FABP12: variants seen among roughly 807,000 people sequenced by gnomAD.
FABP12 encodes the protein fatty acid binding protein 12, also known as fatty acid-binding protein 12.
FABP12 carries 19 observed loss-of-function variants against 13.7 expected under a neutral mutation model. The observed-to-expected ratio is 1.39, with a 90% CI of 0.97 to 2.04. FABP12 has a LOEUF of 2.04. Among genes scored for constraint, FABP12 ranks in the 30% most tolerant of loss-of-function variants. The pLI is 0.00. For missense variants in FABP12, 182 were observed against 164.2 expected (o/e 1.11, Z -0.59); for synonymous variants, 61 against 57.0 (o/e 1.07, Z -0.32).
chr8:81,578,149 A>T (rs1045166337), intron 1 of FABP12, among the ~76,000 whole-genome samples: 1 of 152,222 alleles, frequency 6.6e-6, no homozygotes, highest in Non-Finnish European at 1.5e-5. Flanking sequence ...TAAATTTCCG[A>T]CATAAGAATA....
rs576519043 is a variant in FABP12 at position 81,554,813 on chromosome 8, A to T, written c.-184-15070T>A. On this transcript the variant is annotated intron_variant, in intron 1 of 5. Transcript: ENST00000692030. ...CGATAACTGATGAGCTTAAAAAAAA[A>T]ATCACAAACACACAAATCTCATAAG... Among the ~76,000 whole-genome samples the T allele has an allele frequency of 2.2e-4, 34 of 152,304 alleles. No individual in the cohort carries two copies. In the South Asian group the frequency reaches 3.3e-3, roughly 15 times the overall value.
chr8:81,551,339 T>C (rs1291463725), intron 1 of FABP12, among the ~76,000 whole-genome samples: 1 of 152,140 alleles, frequency 6.6e-6, no homozygotes, highest in African/African-American at 2.4e-5. Context: ...GTGACCTATA[T>C]TCTCTGGTCA....
intron 1 of FABP12, among the ~76,000 whole-genome samples, chr8:81,554,627 C>T (rs1369625591): frequency 6.6e-6 from 1 of 152,154 alleles, no homozygotes; most frequent in African/African-American, 2.4e-5. Context: ...AGTATAGCAT[C>T]TTTAGGCATT....
chr8:81,582,118 A>ATTTTTTTT (rs34960860), intron 1 of FABP12, among the ~76,000 whole-genome samples: 51 of 96,756 alleles, frequency 5.3e-4, no homozygotes, highest in East Asian at 1.0e-3. Context: ...GCTAACTGGA[A>ATTTTTTTT]TTTTTTTTTT....
chr8:81,585,141 G>A (rs1298279428), intron 1 of FABP12, among the ~76,000 whole-genome samples: 1 of 152,112 alleles, frequency 6.6e-6, no homozygotes, highest in African/African-American at 2.4e-5. Context: ...TAAGGTCACA[G>A]CCCAAAAATC....
chr8:81,578,977 C>T (rs1348444149), intron 1 of FABP12, among the ~76,000 whole-genome samples: 3 of 151,310 alleles, frequency 2.0e-5, no homozygotes, highest in Non-Finnish European at 4.4e-5. Flanking sequence ...TACAGGCGCC[C>T]GCCACCACAC....
At chr8:81,559,087 A>G (rs901353539) in intron 1 of FABP12, among the ~76,000 whole-genome samples, 3 of 152,096 alleles carry the variant, frequency 2.0e-5, no homozygotes, top group Non-Finnish European at 2.9e-5. Context: ...GTTAGCTACC[A>G]TATCTTGTTC....
intron 1 of FABP12, among the ~76,000 whole-genome samples, chr8:81,582,401 G>A (rs2556574): frequency 0.93 from 142,030 of 151,996 alleles, 66,496 homozygotes; most frequent in East Asian, 1. Context: ...GATTATAGGC[G>A]TGAGCCACTG....
intron 2 of FABP12, among the ~76,000 whole-genome samples, chr8:81,530,117 A>G (rs774722669): frequency 6.6e-6 from 1 of 152,158 alleles, no homozygotes; most frequent in Non-Finnish European, 1.5e-5. Context: ...TATAACATAT[A>G]TTTACCATTT....
At chr8:81,555,381 ACTTTAATTGTTTTTAGAAATTTTTAAAAT>A in intron 1 of FABP12, among the ~76,000 whole-genome samples, 1 of 152,246 alleles carries the variant, frequency 6.6e-6, no homozygotes, top group African/African-American at 2.4e-5. Flanking sequence ...AGAAAATCTA[ACTTTAATTGTTTTTAGAAATTTTTAAAAT>A]CTAAAGTCCT....
At chr8:81,585,347 C>T (rs1810226001) in intron 1 of FABP12, among the ~76,000 whole-genome samples, 1 of 152,154 alleles carries the variant, frequency 6.6e-6, no homozygotes, top group Admixed American at 6.5e-5. Flanking sequence ...ACTGTCCTTT[C>T]CCTATTGTAT....
upstream of FABP12, among the ~76,000 whole-genome samples, chr8:81,538,059 G>A (rs1304679570): frequency 6.6e-6 from 1 of 152,190 alleles, no homozygotes; most frequent in Non-Finnish European, 1.5e-5. Flanking sequence ...CATGGCAGAA[G>A]GCAAATGGGG....
chr8:81,554,448 A>G (rs567391352), intron 1 of FABP12, among the ~76,000 whole-genome samples: 153 of 152,364 alleles, frequency 1.0e-3, no homozygotes, highest in African/African-American at 3.6e-3. Flanking sequence ...ATTTGAACTC[A>G]GATCTGATTC....
chr8:81,538,111 G>A (rs907626340), upstream of FABP12, among the ~76,000 whole-genome samples: 1 of 152,142 alleles, frequency 6.6e-6, no homozygotes, highest in Non-Finnish European at 1.5e-5. Context: ...AAGGGACAGA[G>A]ATCGGGAGGT....
intron 1 of FABP12, among the ~76,000 whole-genome samples, chr8:81,555,067 TA>T (rs942259731): frequency 2.0e-5 from 3 of 152,072 alleles, no homozygotes; most frequent in Non-Finnish European, 2.9e-5. Context: ...CTGAAAATAC[TA>T]AAAAAGTGAA....
intron 3 of FABP12, among the ~76,000 whole-genome samples, chr8:81,527,761 C>A (rs190550156): frequency 2.0e-5 from 3 of 152,070 alleles, no homozygotes; most frequent in Non-Finnish European, 2.9e-5. Flanking sequence ...GTGTGAAACT[C>A]CAGCCTGGAC....
intron 1 of FABP12, among the ~76,000 whole-genome samples, chr8:81,533,596 T>C (rs7816214): frequency 0.35 from 52,744 of 152,044 alleles, 12,283 homozygotes; most frequent in African/African-American, 0.68. Context: ...CCCCCCCACA[T>C]CCCAAGTGTC....
At chr8:81,534,673 T>C (rs1809177700), upstream of FABP12, among the ~76,000 whole-genome samples, 1 of 152,188 alleles carries the variant, frequency 6.6e-6, no homozygotes, top group Non-Finnish European at 1.5e-5. Context: ...ATGTAACAGG[T>C]GGCTCATGCC....
intron 1 of FABP12, among the ~76,000 whole-genome samples, chr8:81,544,946 C>T (rs533589193): frequency 3.0e-4 from 45 of 152,210 alleles, no homozygotes; most frequent in African/African-American, 7.7e-4. Context: ...TTGTGTAATT[C>T]CAGGAAGAGA....
Sources: allele counts gnomAD v4.1 joint callset (sites outside exome capture counted in the v4.1 genomes callset), GRCh38; gene constraint gnomAD v4.1.1; transcripts MANE v1.5; gene names NCBI Gene and HGNC (gene_info 2026-07-23, HGNC 2026-07-21).